Variants in SLC36A1 observed in about 807,000 individuals in gnomAD.
The protein encoded by SLC36A1 is proton-coupled amino acid transporter 1.
SLC36A1 carries 30 observed loss-of-function variants against 47.5 expected under a neutral mutation model. The ratio of observed to expected loss-of-function variants is 0.63; its 90% confidence interval spans 0.47 to 0.86. The LOEUF is 0.86. Ranked by LOEUF, SLC36A1 falls within the 40% of genes least tolerant of loss-of-function variation. The pLI is 0.00. For missense variants in SLC36A1, 517 were observed against 606.0 expected (o/e 0.85, Z 1.54); for synonymous variants, 255 against 249.7 (o/e 1.02, Z -0.20).
chr5:151,529,360 C>G, the SLC36A1 span: 2 of 1,614,014 alleles, frequency 1.2e-6, no homozygotes, highest in Non-Finnish European at 1.7e-6. Context: ...GGGCTTGTCT[C>G]AAAGTCCAGG....
At chr5:151,445,607 G>A (rs547053454), upstream of SLC36A1, among the ~76,000 whole-genome samples, 45 of 152,236 alleles carry the variant, frequency 3.0e-4, no homozygotes, top group African/African-American at 8.9e-4. Flanking sequence ...GGTCTTGTTG[G>A]GAAGTTTAAA....
the SLC36A1 span, among the ~76,000 whole-genome samples, chr5:151,402,921 G>C: frequency 6.6e-6 from 1 of 151,992 alleles, no homozygotes; most frequent in East Asian, 1.9e-4. Flanking sequence ...CTTGCTAGTG[G>C]TCTGTCAGTC....
At chr5:151,399,172 C>T in the SLC36A1 span, among the ~76,000 whole-genome samples, 2 of 148,418 alleles carry the variant, frequency 1.3e-5, no homozygotes, top group Non-Finnish European at 3.0e-5. Flanking sequence ...CTGCAACCTC[C>T]ATCTCCCAGG....
chr5:151,511,309 ATGT>A, the SLC36A1 span: 1 of 152,240 alleles, frequency 6.6e-6, no homozygotes, highest in African/African-American at 2.4e-5. Context: ...GGAACCTCTC[ATGT>A]TGTGTGTGAT....
chr5:151,394,482 A>G, the SLC36A1 span, among the ~76,000 whole-genome samples: 2,507 of 152,268 alleles, frequency 0.016, 69 homozygotes, highest in African/African-American at 0.058. Flanking sequence ...AGGCTCTCTG[A>G]TTTTTAGAAT....
At chr5:151,367,105 AG>A in the SLC36A1 span, among the ~76,000 whole-genome samples, 2 of 151,470 alleles carry the variant, frequency 1.3e-5, no homozygotes, top group African/African-American at 4.9e-5. Flanking sequence ...CACAGGGCAA[AG>A]GGCAAAAGCA....
chr5:151,399,084 A>ATTTT, the SLC36A1 span, among the ~76,000 whole-genome samples: 2 of 60,066 alleles, frequency 3.3e-5, no homozygotes, highest in Admixed American at 2.3e-4. Flanking sequence ...ATATATATAT[A>ATTTT]TTTTTTTTTT....
chr5:151,347,675 A>G, the SLC36A1 span: 1 of 585,916 alleles, frequency 1.7e-6, no homozygotes, highest in Non-Finnish European at 3.0e-6. Context: ...GAAGAGGAGG[A>G]GAGGAAGGAG....
At chr5:151,531,503 G>A in the SLC36A1 span, 1 of 1,562,190 alleles carries the variant, frequency 6.4e-7, no homozygotes. This position sits in a 1 kb window ranked among gnomAD's most constrained non-coding sequence, Gnocchi z 5.7. Context: ...GCTGCACAGG[G>A]TAGATACCCA....
chr5:151,523,695 A>G, the SLC36A1 span, among the ~76,000 whole-genome samples: 1 of 152,168 alleles, frequency 6.6e-6, no homozygotes, highest in African/African-American at 2.4e-5. Context: ...TCCCTAGGCA[A>G]TCACATCCAT....
intron 7 of SLC36A1, among the ~76,000 whole-genome samples, chr5:151,470,191 A>C (rs980953353): frequency 6.6e-6 from 1 of 152,174 alleles, no homozygotes; most frequent in Admixed American, 6.5e-5. Context: ...CCATGATTTC[A>C]TGTTGTAATT....
chr5:151,424,496 A>C, the SLC36A1 span, among the ~76,000 whole-genome samples: 1 of 152,236 alleles, frequency 6.6e-6, no homozygotes, highest in Non-Finnish European at 1.5e-5. Context: ...GTCTAGAGAC[A>C]TGTATAACCT....
At chr5:151,418,805 A>T in the SLC36A1 span, among the ~76,000 whole-genome samples, 3 of 152,302 alleles carry the variant, frequency 2.0e-5, no homozygotes, top group Middle Eastern at 6.8e-3. Context: ...TGAAAGGGAC[A>T]TGAAATTTGG....
At chr5:151,466,987 TAAAAA>T (rs1365310468) in intron 5 of SLC36A1, among the ~76,000 whole-genome samples, 1 of 152,026 alleles carries the variant, frequency 6.6e-6, no homozygotes, top group Non-Finnish European at 1.5e-5. Flanking sequence ...AAAGCACTGT[TAAAAA>T]AACACTTAAT....
At chr5:151,411,832 C>T in the SLC36A1 span, among the ~76,000 whole-genome samples, 2 of 144,588 alleles carry the variant, frequency 1.4e-5, 1 homozygote. Context: ...ACCAAACCTC[C>T]TTCATAGCAT....
At chr5:151,523,863 G>A in the SLC36A1 span, among the ~76,000 whole-genome samples, 8 of 152,212 alleles carry the variant, frequency 5.3e-5, no homozygotes, top group Admixed American at 2.6e-4. Flanking sequence ...CTGCCTTCCC[G>A]TCTGGGCCTT....
At chr5:151,542,421 A>C in the SLC36A1 span, 1 of 1,614,192 alleles carries the variant, frequency 6.2e-7, no homozygotes, top group East Asian at 2.2e-5. Context: ...ATCGGGGAGC[A>C]TTGTCATTCT....
At chr5:151,541,821 G>A in the SLC36A1 span, among the ~76,000 whole-genome samples, 1 of 149,402 alleles carries the variant, frequency 6.7e-6, no homozygotes, top group Non-Finnish European at 1.5e-5. Flanking sequence ...TTATATCTAA[G>A]GAAGTGCTGT....
At chr5:151,430,982 C>T in the SLC36A1 span, among the ~76,000 whole-genome samples, 7 of 152,314 alleles carry the variant, frequency 4.6e-5, no homozygotes, top group African/African-American at 1.7e-4. Context: ...CTGTGAGATC[C>T]TTAGCTGCAG....
Sources: allele counts gnomAD v4.1 joint callset (sites outside exome capture counted in the v4.1 genomes callset), GRCh38; gene constraint gnomAD v4.1.1; non-coding constraint Gnocchi (gnomAD v3.1); transcripts MANE v1.5; gene names NCBI Gene and HGNC (gene_info 2026-07-23, HGNC 2026-07-21).